The following BCO1 variants were observed in gnomAD, a reference collection of about 807,000 sequenced individuals.
BCO1 encodes beta,beta-carotene 15,15'-dioxygenase.
Under a neutral mutation model 56.3 loss-of-function variants are expected in BCO1, and 54 were observed. That is an observed-to-expected ratio of 0.96 (90% CI 0.77 to 1.20). The LOEUF is 1.20. Ranked by LOEUF, BCO1 falls within the 50% of genes most tolerant of loss-of-function variation. The pLI is 0.00. For synonymous variants in BCO1, 318 were observed against 266.1 expected, an observed-to-expected ratio of 1.20 and a Z score of -1.90; for missense variants, 801 against 690.9, an observed-to-expected ratio of 1.16 and a Z score of -1.79.
At chr16:81,283,827 T>C (rs1394707044) in intron 8 of BCO1, among the ~76,000 whole-genome samples, 1 of 150,156 alleles carries the variant, frequency 6.7e-6, no homozygotes, top group Non-Finnish European at 1.5e-5. Flanking sequence ...TTCCTAAGAG[T>C]TGAACATCCA....
At chr16:81,252,456 A>T (rs1262048738) in intron 2 of BCO1, among the ~76,000 whole-genome samples, 1 of 152,120 alleles carries the variant, frequency 6.6e-6, no homozygotes, top group African/African-American at 2.4e-5. Context: ...GGGTTTCACC[A>T]TGTTGGTCAG....
At chr16:81,239,130 C>T (rs1189077014) in intron 1 of BCO1, among the ~76,000 whole-genome samples, 158 bp downstream of exon 1, 4 of 151,848 alleles carry the variant, frequency 2.6e-5, no homozygotes, top group Admixed American at 2.6e-4. Context: ...GATCCTCCCA[C>T]CACAGCCTCC....
intron 1 of BCO1, among the ~76,000 whole-genome samples, chr16:81,240,904 G>T (rs62054696): frequency 0.13 from 19,597 of 145,176 alleles, 1,833 homozygotes; most frequent in African/African-American, 0.26. Flanking sequence ...GCGCGATCTC[G>T]GCTCACCACA....
chr16:81,270,382 T>C lies in BCO1; in HGVS notation c.1067T>C (p.Leu356Pro), dbSNP rs771835453. ...TCCAGGCTCACCTCGGTCCCCACCC[T>C]CAGGAGGTTTGCCGTGCCCCTCCAC... ...ENSRLTSVPT[L>P]RRFAVPLHVD... The change falls in exon 7 of 11, where the codon CTC becomes CCC. Residue 356 changes from leucine to proline, a missense_variant. Transcript: ENST00000258168. 6 of 1,614,114 alleles carry C rather than the reference T, an allele frequency of 3.7e-6. No homozygotes were observed. The highest frequency in any genetic ancestry group is 5.1e-6 in the Non-Finnish European group (6 of 1,180,024).
At chr16:81,259,518 A>G (rs567985615) in intron 2 of BCO1, among the ~76,000 whole-genome samples, 158 bp from the exon 3 acceptor site, 1 of 152,186 alleles carries the variant, frequency 6.6e-6, no homozygotes. Flanking sequence ...ATAAAATTAT[A>G]TTTAAAATGC....
intron 3 of BCO1, 37 bp from the exon 4 acceptor site, chr16:81,262,099 A>G: frequency 6.2e-7 from 1 of 1,610,802 alleles, no homozygotes; most frequent in Non-Finnish European, 8.5e-7. Context: ...CTGGGTGGAC[A>G]TAGCCACTGA....
At chr16:81,284,468 A>C (rs1908060951) in intron 8 of BCO1, among the ~76,000 whole-genome samples, 1 of 152,064 alleles carries the variant, frequency 6.6e-6, no homozygotes. Flanking sequence ...TTTGTAACCT[A>C]GCGGAGATAC....
intron 1 of BCO1, among the ~76,000 whole-genome samples, chr16:81,244,717 C>CTTTTTTTTTTTTTT (rs55904406): frequency 7.7e-6 from 1 of 129,220 alleles, no homozygotes. Flanking sequence ...TTGCCCCTAT[C>CTTTTTTTTTTTTTT]TTTTTTTTTT....
At chr16:81,275,540 T>C (rs918689132) in intron 7 of BCO1, among the ~76,000 whole-genome samples, 7 of 152,274 alleles carry the variant, frequency 4.6e-5, no homozygotes, top group Non-Finnish European at 1.0e-4. Context: ...TCCCTCTTCC[T>C]GTTCAAGCCT....
At chr16:81,250,148 GT>G (rs1905700886) in intron 2 of BCO1, among the ~76,000 whole-genome samples, 1 of 152,176 alleles carries the variant, frequency 6.6e-6, no homozygotes, top group Non-Finnish European at 1.5e-5. Context: ...GACTACCACA[GT>G]TTTAGAGATA....
chr16:81,269,897 C>A (rs994568869), intron 6 of BCO1, among the ~76,000 whole-genome samples: 10 of 152,154 alleles, frequency 6.6e-5, no homozygotes, highest in African/African-American at 2.2e-4. Flanking sequence ...CAAACACTGT[C>A]CTCCTAGTGA....
chr16:81,279,617 A>G (rs1023027632), intron 7 of BCO1, among the ~76,000 whole-genome samples: 5 of 152,198 alleles, frequency 3.3e-5, no homozygotes, highest in African/African-American at 1.2e-4. Flanking sequence ...ATTAATATAC[A>G]CATAAGGAAA....
chr16:81,256,218 C>G (rs948001291), intron 2 of BCO1, among the ~76,000 whole-genome samples: 1 of 152,004 alleles, frequency 6.6e-6, no homozygotes, highest in Non-Finnish European at 1.5e-5. Flanking sequence ...GTGCCCAGCA[C>G]AGTGTTTAGC....
chr16:81,268,885 C>G (rs1020694578), intron 6 of BCO1, among the ~76,000 whole-genome samples: 10 of 151,314 alleles, frequency 6.6e-5, no homozygotes, highest in Non-Finnish European at 1.2e-4. Context: ...CTCAAGTGAT[C>G]CTCCCAAGTA....
chr16:81,286,695 A>T (rs1233183807), intron 9 of BCO1, among the ~76,000 whole-genome samples: 1 of 152,108 alleles, frequency 6.6e-6, no homozygotes, highest in East Asian at 1.9e-4. Flanking sequence ...ATATTAAAAA[A>T]TAATAATAAA....
Position 81,250,578 on chromosome 16 carries a change from C to CTTTTTTTTTTTTT in BCO1, c.193+4983_193+4995dup, listed in dbSNP as rs530676028. On this transcript the variant is annotated intron_variant, in intron 2 of 10. Transcript: ENST00000258168. ...TTGTGTGCCTCCTTTCTCAATAAAG[C>CTTTTTTTTTTTTT]TTTTTTTTTTTTTTTTTTTTGAGAT... 8.9e-4 allele frequency among the ~76,000 whole-genome samples: 94 copies of CTTTTTTTTTTTTT among 105,482 alleles called. 3 individuals carry two copies. Among genetic ancestry groups the CTTTTTTTTTTTTT allele is most frequent in the African/African-American group, 2.1e-3 (56 of 26,106 alleles). The allele number at this position is 105,482 out of a possible 152,430, so 69.2% of individuals were successfully genotyped here.
chr16:81,255,575 C>T (rs911392084), intron 2 of BCO1, among the ~76,000 whole-genome samples: 1 of 151,788 alleles, frequency 6.6e-6, no homozygotes, highest in South Asian at 2.1e-4. Context: ...TCTCAGCTCA[C>T]TGCAACCTCT....
intron 2 of BCO1, among the ~76,000 whole-genome samples, chr16:81,253,265 A>G (rs1445587513): frequency 6.6e-6 from 1 of 152,150 alleles, no homozygotes; most frequent in African/African-American, 2.4e-5. Context: ...CGAAGCCTTG[A>G]TCACTCTGTC....
At chr16:81,250,747 AT>A (rs1262606729) in intron 2 of BCO1, among the ~76,000 whole-genome samples, 1 of 151,798 alleles carries the variant, frequency 6.6e-6, no homozygotes, top group Non-Finnish European at 1.5e-5. Context: ...TGCCCAGCTA[AT>A]TTTTGTATTT....
Sources: gnomAD v4.1 joint callset for allele counts (sites outside exome capture counted in the v4.1 genomes callset) on GRCh38, gnomAD v4.1.1 for gene constraint, MANE v1.5 for transcripts, NCBI Gene and HGNC (gene_info 2026-07-23, HGNC 2026-07-21) for gene names.